WIF1: variants seen among roughly 807,000 people sequenced by gnomAD.
WIF1 encodes Wnt inhibitory factor 1.
In WIF1, 35 loss-of-function variants were observed where a neutral mutation model predicts 53.5. That is an observed-to-expected ratio of 0.65 (90% CI 0.50 to 0.87). The LOEUF (loss-of-function observed/expected upper bound fraction) is 0.87, where lower values mean the gene tolerates loss of function less well. WIF1 is among the 40% of genes least tolerant of loss of function. The pLI is 0.00. For synonymous variants in WIF1, 171 were observed against 170.4 expected, an observed-to-expected ratio of 1.00 and a Z score of -0.03; for missense variants, 467 against 476.8, an observed-to-expected ratio of 0.98 and a Z score of 0.19.
intron 2 of WIF1, among the ~76,000 whole-genome samples, chr12:65,115,378 A>G (rs61086993): frequency 0.061 from 9,213 of 152,200 alleles, 944 homozygotes; most frequent in African/African-American, 0.21. Flanking sequence ...AAATTGGTTC[A>G]TATGGAAATC....
At chr12:65,071,977 G>C (rs1882780179) in intron 3 of WIF1, among the ~76,000 whole-genome samples, 1 of 151,960 alleles carries the variant, frequency 6.6e-6, no homozygotes, top group African/African-American at 2.4e-5. Flanking sequence ...AAAACACAAA[G>C]TAAAAATTTT....
At chr12:65,100,175 T>C (rs1399118340) in intron 2 of WIF1, among the ~76,000 whole-genome samples, 1 of 152,204 alleles carries the variant, frequency 6.6e-6, no homozygotes, top group East Asian at 1.9e-4. Flanking sequence ...AGGAATTACC[T>C]ACTAGTTTTG....
At chr12:65,079,195 G>T (rs1882911315) in intron 2 of WIF1, among the ~76,000 whole-genome samples, 2 of 144,766 alleles carry the variant, frequency 1.4e-5, no homozygotes, top group Non-Finnish European at 3.0e-5. Flanking sequence ...GTGAAAGAGA[G>T]GCATTACTAG....
intron 2 of WIF1, among the ~76,000 whole-genome samples, chr12:65,098,500 G>A (rs1260779609): frequency 6.6e-6 from 1 of 152,096 alleles, no homozygotes; most frequent in Non-Finnish European, 1.5e-5. Context: ...GATATCATAT[G>A]GCTGCCACAC....
intron 9 of WIF1, 114 bp downstream of exon 9, chr12:65,055,004 T>C: frequency 9.5e-7 from 1 of 1,056,110 alleles, no homozygotes; most frequent in Non-Finnish European, 1.4e-6. Context: ...AGGTTGACTG[T>C]TAGCCTTTGA....
Position 65,071,045 on chromosome 12 carries a change from G to A in WIF1, c.398-2141C>T, listed in dbSNP as rs560588618. On this transcript the variant is annotated intron_variant, in intron 3 of 9. Transcript: ENST00000286574. ...GAGATCAGGAGTTGGAGACCAGCCT[G>A]GCCAACATGGTGAAACCCGTGTCTA... is the stretch of plus-strand genomic sequence containing the variant. Among the ~76,000 whole-genome samples the A allele has an allele frequency of 5.3e-5, 8 of 151,804 alleles. No homozygotes were observed. The South Asian group carries it at 1.7e-3, about 32-fold the overall frequency.
chr12:65,051,520 C>T, intron 9 of WIF1, 50 bp from the exon 10 acceptor site: 2 of 1,507,314 alleles, frequency 1.3e-6, no homozygotes. Context: ...AAACCAGGCT[C>T]TTCAGATTCA....
At chr12:65,098,709 C>T (rs548484862) in intron 2 of WIF1, among the ~76,000 whole-genome samples, 11 of 152,186 alleles carry the variant, frequency 7.2e-5, no homozygotes, top group African/African-American at 2.4e-4. Flanking sequence ...TGGCCTTCCC[C>T]ATACTCCATT....
rs966817871 is a variant in WIF1 at position 65,121,250 on chromosome 12, G to A, written c.-59C>T. The A allele has an allele frequency of 1.4e-6, 2 of 1,381,942 alleles. No homozygotes were observed. Among genetic ancestry groups the A allele is most frequent in the Non-Finnish European group, 1.9e-6 (2 of 1,059,082 alleles). The allele number at this position is 1,381,942 out of a possible 1,614,324, so 85.6% of individuals were successfully genotyped here. On this transcript the variant is annotated 5_prime_UTR_variant, in exon 1 of 10. Coordinates refer to ENST00000286574, the MANE Select transcript of WIF1 (RefSeq NM_007191.5). ...CCTCGTGCCGCACCTACGCAACCTGGCGCCGTCAGATACTCTGCTGCGCTG... is the reference window on the plus strand; with the variant it reads ...CCTCGTGCCGCACCTACGCAACCTGACGCCGTCAGATACTCTGCTGCGCTG...
intron 2 of WIF1, among the ~76,000 whole-genome samples, chr12:65,089,968 T>TA (rs1883098686): frequency 6.6e-6 from 1 of 152,114 alleles, no homozygotes; most frequent in Non-Finnish European, 1.5e-5. Flanking sequence ...AAACTGTTTC[T>TA]AAAAAATGAA....
At chr12:65,109,226 A>G (rs1160182116) in intron 2 of WIF1, among the ~76,000 whole-genome samples, 1 of 152,182 alleles carries the variant, frequency 6.6e-6, no homozygotes, top group African/African-American at 2.4e-5. Flanking sequence ...AACATCTTTC[A>G]TGACTCAGGT....
chr12:65,102,141 C>T (rs1160467497), intron 2 of WIF1, among the ~76,000 whole-genome samples: 4 of 152,206 alleles, frequency 2.6e-5, no homozygotes, highest in Non-Finnish European at 5.9e-5. Context: ...TTAACCTGTG[C>T]TGTCTTTTGC....
intron 2 of WIF1, among the ~76,000 whole-genome samples, chr12:65,112,041 A>C (rs1249277415): frequency 6.6e-6 from 1 of 152,250 alleles, no homozygotes; most frequent in Non-Finnish European, 1.5e-5. Flanking sequence ...AGGGAAGGAC[A>C]GTAATTGTCC....
chr12:65,109,118 C>T (rs1458311287), intron 2 of WIF1, among the ~76,000 whole-genome samples: 1 of 152,196 alleles, frequency 6.6e-6, no homozygotes, highest in African/African-American at 2.4e-5. Context: ...TTTCCAACTA[C>T]ACCAATGATT....
At chr12:65,114,970 G>A (rs1010565476) in intron 2 of WIF1, among the ~76,000 whole-genome samples, 5 of 152,206 alleles carry the variant, frequency 3.3e-5, no homozygotes, top group African/African-American at 1.2e-4. Flanking sequence ...GGACCTGTTG[G>A]TACAGATGTC....
chr12:65,053,695 C>T (rs538191127), intron 9 of WIF1, among the ~76,000 whole-genome samples: 1 of 152,114 alleles, frequency 6.6e-6, no homozygotes, highest in East Asian at 1.9e-4. Flanking sequence ...TACATGTAAC[C>T]TAGACCAGAT....
intron 2 of WIF1, among the ~76,000 whole-genome samples, chr12:65,102,823 C>T (rs1053563018): frequency 2.0e-5 from 3 of 152,166 alleles, no homozygotes; most frequent in East Asian, 1.9e-4. Context: ...GTTTCAATCA[C>T]ATCTCTTAGC....
intron 2 of WIF1, among the ~76,000 whole-genome samples, chr12:65,102,521 A>G (rs1331582400): frequency 6.6e-6 from 1 of 152,176 alleles, no homozygotes; most frequent in African/African-American, 2.4e-5. Context: ...TATTCAGTCT[A>G]TGGACTCAAA....
chr12:65,114,243 C>G (rs1290998343), intron 2 of WIF1, among the ~76,000 whole-genome samples: 1 of 151,930 alleles, frequency 6.6e-6, no homozygotes, highest in Non-Finnish European at 1.5e-5. Flanking sequence ...AAGTCTCTAA[C>G]TCCAGTCCAA....
Sources: gnomAD v4.1 joint callset for allele counts (sites outside exome capture counted in the v4.1 genomes callset) on GRCh38, gnomAD v4.1.1 for gene constraint, MANE v1.5 for transcripts, NCBI Gene and HGNC (gene_info 2026-07-23, HGNC 2026-07-21) for gene names.